Variants in PAX7 observed in about 807,000 individuals in gnomAD.
The protein encoded by PAX7 is paired box protein Pax-7.
A neutral mutation model predicts 50.7 loss-of-function variants in PAX7; 18 were observed. That is an observed-to-expected ratio of 0.36 (90% CI 0.25 to 0.53). The LOEUF (loss-of-function observed/expected upper bound fraction) is 0.53. Ranked by LOEUF, PAX7 falls within the 20% of genes least tolerant of loss-of-function variation. The pLI, the probability that PAX7 is intolerant of heterozygous loss-of-function variation, is 0.93. For missense variants in PAX7, 644 were observed against 702.9 expected (o/e 0.92, Z 0.95); for synonymous variants, 310 against 290.4 (o/e 1.07, Z -0.69).
intron 4 of PAX7, among the ~76,000 whole-genome samples, chr1:18,676,944 G>T (rs1374902746): frequency 6.6e-6 from 1 of 152,186 alleles, no homozygotes; most frequent in Non-Finnish European, 1.5e-5. Flanking sequence ...AGCTCAGAGA[G>T]GGGTTTAGAG....
chr1:18,683,611 G>A (rs770813418), intron 4 of PAX7, among the ~76,000 whole-genome samples: 17 of 152,124 alleles, frequency 1.1e-4, no homozygotes, highest in Non-Finnish European at 1.6e-4. Context: ...AGGCTGAGGC[G>A]GATGGATCAT....
intron 7 of PAX7, among the ~76,000 whole-genome samples, chr1:18,708,938 G>C (rs2089316426): frequency 6.6e-6 from 1 of 152,148 alleles, no homozygotes; most frequent in South Asian, 2.1e-4. Context: ...TGCAGTATTT[G>C]GCAGGCTGAG....
At chr1:18,705,739 C>T (rs1202899341) in intron 7 of PAX7, among the ~76,000 whole-genome samples, 3 of 152,170 alleles carry the variant, frequency 2.0e-5, no homozygotes, top group African/African-American at 7.2e-5. Context: ...GGTTGGATGA[C>T]GTGTTTTCCA....
intron 8 of PAX7, among the ~76,000 whole-genome samples, chr1:18,743,320 C>T (rs914000101): frequency 6.6e-6 from 1 of 152,212 alleles, no homozygotes; most frequent in Non-Finnish European, 1.5e-5. Context: ...TCATTTGAAC[C>T]ACTAGGCAAT....
At position 18,736,364 on chromosome 1, in the gene PAX7, G is replaced by A. The variant is rs150123155; in HGVS notation, c.1402+486G>A. ...CCTGTAATCCCAGCTACTCAAGTAG[G>A]TGAGGCACAAGAATCACTTGAACCC... On this transcript the variant is annotated intron_variant, in intron 8 of 8. Transcript: ENST00000420770. 1.7e-3 allele frequency among the ~76,000 whole-genome samples: 257 copies of A among 151,390 alleles called. 1 individual carries two copies. Among genetic ancestry groups the A allele is most frequent in the African/African-American group, 6.1e-3 (250 of 41,254 alleles).
intron 7 of PAX7, among the ~76,000 whole-genome samples, chr1:18,709,475 T>C (rs2089324148): frequency 6.6e-6 from 1 of 152,216 alleles, no homozygotes; most frequent in African/African-American, 2.4e-5. Flanking sequence ...AGCCTTTCTG[T>C]CCTTTCCTGC....
chr1:18,672,046 C>T (rs2088757912), intron 4 of PAX7, among the ~76,000 whole-genome samples: 1 of 151,930 alleles, frequency 6.6e-6, no homozygotes, highest in African/African-American at 2.4e-5. Context: ...GTGTAGTTGT[C>T]AAGATGAAAT....
chr1:18,653,777 G>A lies in PAX7; in HGVS notation c.586+17406G>A, dbSNP rs117243254. On this transcript the variant is annotated intron_variant, in intron 4 of 8. Coordinates refer to ENST00000420770, the MANE Select transcript of PAX7 (RefSeq NM_001135254.2). ...GCTTGAAGTCATCTAGCTGAGAAGC[G>A]GCTGAGCCTGAAGGGAAACCAGGGC... Among the ~76,000 whole-genome samples, 186 of 152,048 alleles carry A rather than the reference G, an allele frequency of 1.2e-3. 4 individuals are homozygous for A. The East Asian group carries it at 0.015, about 13-fold the overall frequency.
chr1:18,640,062 T>C (rs896186368), intron 4 of PAX7, among the ~76,000 whole-genome samples: 1 of 151,584 alleles, frequency 6.6e-6, no homozygotes, highest in Admixed American at 6.6e-5. Flanking sequence ...TGAAAGACCA[T>C]CTGAGGTGGG....
chr1:18,738,320 C>A (rs1395232594), intron 8 of PAX7, among the ~76,000 whole-genome samples: 1 of 152,178 alleles, frequency 6.6e-6, no homozygotes, highest in Admixed American at 6.5e-5. Flanking sequence ...AGAGTGACCC[C>A]AGCGGCAGCG....
intron 4 of PAX7, among the ~76,000 whole-genome samples, chr1:18,680,500 C>G (rs896113954): frequency 6.6e-6 from 1 of 152,154 alleles, no homozygotes; most frequent in African/African-American, 2.4e-5. Flanking sequence ...CTTTCTGTCT[C>G]CCATCACTCT....
In PAX7 at chr1:18,676,132, C is replaced by T. The variant is rs967345328; in HGVS notation, c.587-15622C>T. On this transcript the variant is annotated intron_variant, in intron 4 of 8. Transcript: ENST00000420770. ...CCTCAAAAATCACCATTAGAGTACG[C>T]TCCTTATGGCCATAAAATTTCTCGT... Among the ~76,000 whole-genome samples, 3 of 152,210 alleles carry T rather than the reference C, an allele frequency of 2.0e-5. No homozygotes were observed. The East Asian group carries it at 5.8e-4, about 29-fold the overall frequency.
intron 4 of PAX7, among the ~76,000 whole-genome samples, chr1:18,687,589 T>C (rs755952646): frequency 1.3e-5 from 2 of 151,998 alleles, no homozygotes; most frequent in Admixed American, 6.6e-5. Context: ...AAAATGGGGG[T>C]CTCTTCCCCT....
Position 18,727,482 on chromosome 1 carries a change from G to A in PAX7, c.1156-8150G>A, listed in dbSNP as rs561704828. The stretch of plus-strand genomic sequence containing the variant: ...TGAAGGCCACAGCCAGGCACAAGGC[G>A]ATCACCTTCTAGCATCAGACCAGAA... On this transcript the variant is annotated intron_variant, in intron 7 of 8. Coordinates refer to ENST00000420770, the MANE Select transcript of PAX7 (RefSeq NM_001135254.2). Among the ~76,000 whole-genome samples, 12 of 152,000 alleles carry A rather than the reference G, an allele frequency of 7.9e-5. No homozygotes were observed. The East Asian group carries it at 1.7e-3, about 22-fold the overall frequency.
chr1:18,686,348 G>A (rs1488542352), intron 4 of PAX7, among the ~76,000 whole-genome samples: 1 of 152,156 alleles, frequency 6.6e-6, no homozygotes, highest in Non-Finnish European at 1.5e-5. Context: ...TCTCTTTTGG[G>A]GCAATCTCCA....
rs115267936 is a variant in PAX7, at chr1:18,736,236, A to C, written c.1402+358A>C. The stretch of plus-strand genomic sequence containing the variant: ...TCCCAGCACTTTGGAAGGCTGAGGC[A>C]AACGAATCACTTGAGCCCAGGAGTT... On this transcript the variant is annotated intron_variant, in intron 8 of 8. Transcript: ENST00000420770. 3.4e-3 allele frequency: 1,717 copies of C among 510,814 alleles called. 33 individuals are homozygous for C. Among genetic ancestry groups the C allele is most frequent in the African/African-American group, 0.031 (1,588 of 51,958 alleles). 31.6% of individuals were successfully genotyped at this position (510,814 alleles called of 1,614,324 possible). A position where few individuals can be genotyped will look rare whatever the true frequency, so the allele number is the denominator to read the frequency against.
chr1:18,648,233 C>T (rs2088376026), intron 4 of PAX7, among the ~76,000 whole-genome samples: 1 of 152,068 alleles, frequency 6.6e-6, no homozygotes, highest in African/African-American at 2.4e-5. Flanking sequence ...AGCTGTTTTC[C>T]CCACCCCCAG....
At chr1:18,642,826 T>C (rs931712038) in intron 4 of PAX7, among the ~76,000 whole-genome samples, 1 of 151,432 alleles carries the variant, frequency 6.6e-6, no homozygotes, top group Admixed American at 6.6e-5. Flanking sequence ...AGTAGATAGA[T>C]GTCTCCAAAA....
intron 7 of PAX7, among the ~76,000 whole-genome samples, chr1:18,725,985 TGTGTGTGTGCGCGCGCGCGCGTGCGCGC>T (rs1387030201): frequency 4.9e-5 from 7 of 142,634 alleles, no homozygotes; most frequent in Non-Finnish European, 7.6e-5. Flanking sequence ...GAAGAGTGTG[TGTGTGTGTGCGCGCGCGCGCGTGCGCGC>T]GTGTGTGTGC....
Sources: allele counts gnomAD v4.1 joint callset (sites outside exome capture counted in the v4.1 genomes callset), GRCh38; gene constraint gnomAD v4.1.1; transcripts MANE v1.5; gene names NCBI Gene and HGNC (gene_info 2026-07-23, HGNC 2026-07-21).